Variants in ZBBX observed in about 807,000 individuals in gnomAD.
ZBBX encodes zinc finger B-box domain-containing protein 1.
In ZBBX, 101 loss-of-function variants were observed where a neutral mutation model predicts 108.5. The ratio of observed to expected loss-of-function variants is 0.93; its 90% CI spans 0.79 to 1.10. The LOEUF (loss-of-function observed/expected upper bound fraction) is 1.10. Among genes scored for constraint, ZBBX ranks in the 50% least tolerant of loss-of-function variants. ZBBX has a pLI of 0.00. For synonymous variants in ZBBX, 356 were observed against 323.4 expected (o/e 1.10, Z -1.08); for missense variants, 1,009 against 941.4 (o/e 1.07, Z -0.94).
chr3:167,266,972 AG>A (rs1457756432), intron 20 of ZBBX, among the ~76,000 whole-genome samples: 1 of 152,208 alleles, frequency 6.6e-6, no homozygotes, highest in African/African-American at 2.4e-5. Flanking sequence ...AACCCGGGAA[AG>A]GAACAAGCCG....
intron 13 of ZBBX, 135 bp downstream of exon 13, chr3:167,317,353 T>C: frequency 1.4e-6 from 1 of 708,064 alleles, no homozygotes; most frequent in Non-Finnish European, 2.2e-6. Context: ...ATGATTTTCA[T>C]CTAAAGAGAA....
At chr3:167,305,266 T>G (rs1029393127) in intron 17 of ZBBX, among the ~76,000 whole-genome samples, 5 of 152,152 alleles carry the variant, frequency 3.3e-5, no homozygotes, top group Admixed American at 3.3e-4. Context: ...GATATCTGCA[T>G]TTATTTCATT....
chr3:167,380,718 T>C (rs1239107583), upstream of ZBBX, among the ~76,000 whole-genome samples: 2 of 152,224 alleles, frequency 1.3e-5, no homozygotes, highest in Non-Finnish European at 2.9e-5. Flanking sequence ...ATTTATGCTA[T>C]GTTTAAATGA....
chr3:167,362,483 T>C (rs942119824), intron 6 of ZBBX, among the ~76,000 whole-genome samples: 8 of 152,134 alleles, frequency 5.3e-5, no homozygotes, highest in Admixed American at 2.0e-4. Context: ...CCTACAGTCA[T>C]CTTTCAGACG....
chr3:167,234,109 C>G, the ZBBX span, among the ~76,000 whole-genome samples: 2 of 151,772 alleles, frequency 1.3e-5, no homozygotes, highest in African/African-American at 2.4e-5. Context: ...ATTTTACACA[C>G]GGAGTTTAAA....
chr3:167,214,069 C>T, the ZBBX span, among the ~76,000 whole-genome samples: 6 of 152,104 alleles, frequency 3.9e-5, no homozygotes, highest in African/African-American at 9.7e-5. Context: ...TGGTTACCAG[C>T]TAATACAAAA....
Position 167,313,973 on chromosome 3 carries a change from C to A in ZBBX, c.1417+1G>T. 6.4e-7 allele frequency: 1 copy of A among 1,569,568 alleles called. No individual in the cohort carries two copies. Among genetic ancestry groups the A allele is most frequent in the Non-Finnish European group, 8.6e-7 (1 of 1,160,508 alleles). On this transcript the variant is annotated splice_donor_variant, in intron 16 of 21. Coordinates refer to ENST00000675490, the MANE Select transcript of ZBBX (RefSeq NM_001199201.2). LOFTEE classifies it high-confidence loss of function. ...ATATCCAGCAACAAGAAAAATGTTA[C>A]CTTTTGAATTATCTTTATAATAAGT...
the ZBBX span, among the ~76,000 whole-genome samples, chr3:167,184,550 A>G: frequency 6.6e-6 from 1 of 152,126 alleles, no homozygotes; most frequent in African/African-American, 2.4e-5. Flanking sequence ...AAAAACCTAT[A>G]TATAATGGAT....
At chr3:167,248,666 G>C (rs1722025660) in intron 20 of ZBBX, 1 of 456,470 alleles carries the variant, frequency 2.2e-6, no homozygotes. Flanking sequence ...AGAAAAACAA[G>C]GTTTGAAGGA....
At chr3:167,334,641 G>GCTCT (rs1739256035) in intron 9 of ZBBX, among the ~76,000 whole-genome samples, 1 of 152,086 alleles carries the variant, frequency 6.6e-6, no homozygotes, top group Admixed American at 6.6e-5. Context: ...CTTGGTCACA[G>GCTCT]TGCTGAGTGG....
intron 9 of ZBBX, among the ~76,000 whole-genome samples, chr3:167,348,312 A>AGAAAG (rs1560162905): frequency 2.4e-3 from 209 of 87,620 alleles, no homozygotes; most frequent in East Asian, 0.01. Context: ...GAGAGAAAGA[A>AGAAAG]AGAGAAAGAA....
intron 20 of ZBBX, among the ~76,000 whole-genome samples, chr3:167,251,625 T>C (rs1225926390): frequency 1.3e-5 from 2 of 152,308 alleles, no homozygotes; most frequent in East Asian, 3.9e-4. Context: ...GGACTTACTA[T>C]GTGCTAGGCA....
At chr3:167,251,379 T>A (rs904236400) in intron 20 of ZBBX, among the ~76,000 whole-genome samples, 2 of 152,152 alleles carry the variant, frequency 1.3e-5, no homozygotes, top group African/African-American at 4.8e-5. Flanking sequence ...TAAAACGGCA[T>A]CCTGTAACAC....
rs139329941 is a variant in ZBBX at position 167,251,331 on chromosome 3, C to T, written c.2255-8688G>A. Among the ~76,000 whole-genome samples the T allele has an allele frequency of 9.2e-3, 1,398 of 152,308 alleles. 7 individuals are homozygous for T. The highest frequency in any genetic ancestry group is 0.015 in the Non-Finnish European group (1,047 of 68,022). The stretch of plus-strand genomic sequence containing the variant: ...CCTTGTGACAAGGTAGAGGGTCTAA[C>T]TGAGCTGGTTAACACAAGCCACCTA... On this transcript the variant is annotated intron_variant, in intron 20 of 21. Coordinates refer to ENST00000675490, the MANE Select transcript of ZBBX (RefSeq NM_001199201.2).
At chr3:167,281,423 T>C (rs1490632378) in intron 20 of ZBBX, among the ~76,000 whole-genome samples, 1 of 152,100 alleles carries the variant, frequency 6.6e-6, no homozygotes, top group Non-Finnish European at 1.5e-5. Context: ...AGCAAAGTCG[T>C]TACTCCAAGA....
At chr3:167,229,472 CAT>C in the ZBBX span, among the ~76,000 whole-genome samples, 6 of 151,798 alleles carry the variant, frequency 4.0e-5, no homozygotes, top group African/African-American at 1.4e-4. Context: ...GGGCCTAACA[CAT>C]AATGAATTGT....
chr3:167,366,048 T>C (rs2108568457), intron 5 of ZBBX, 72 bp from the exon 6 acceptor site: 1 of 1,180,666 alleles, frequency 8.5e-7, no homozygotes, highest in East Asian at 2.5e-5. Context: ...AGAAATACAG[T>C]GTTCCTGTTT....
chr3:167,400,720 G>A (rs115534346), intron 1 of ZBBX, among the ~76,000 whole-genome samples: 28 of 152,128 alleles, frequency 1.8e-4, no homozygotes, highest in African/African-American at 6.7e-4. Context: ...AGCACAGCTT[G>A]GTTTTATACA....
At chr3:167,237,451 T>C (rs1464045845), downstream of ZBBX, among the ~76,000 whole-genome samples, 1 of 151,864 alleles carries the variant, frequency 6.6e-6, no homozygotes, top group African/African-American at 2.4e-5. Context: ...AGGCGCACTG[T>C]ACTGACTCCA....
Sources: gnomAD v4.1 joint callset for allele counts (sites outside exome capture counted in the v4.1 genomes callset) on GRCh38, gnomAD v4.1.1 for gene constraint, MANE v1.5 for transcripts, NCBI Gene and HGNC (gene_info 2026-07-23, HGNC 2026-07-21) for gene names.